Variants in CDK14 observed in about 807,000 individuals in gnomAD.
The protein encoded by CDK14 is cyclin dependent kinase 14.
A neutral mutation model predicts 60.7 loss-of-function variants in CDK14; 34 were observed. The observed-to-expected ratio is 0.56, with a 90% CI of 0.43 to 0.75. CDK14 has a LOEUF of 0.75. CDK14 is among the 30% of genes least tolerant of loss of function. The pLI, the probability that CDK14 is intolerant of heterozygous loss-of-function variation, is 0.00. For synonymous variants in CDK14, 197 were observed against 203.7 expected (o/e 0.97, Z 0.28); for missense variants, 482 against 564.1 (o/e 0.85, Z 1.47).
intron 11 of CDK14, among the ~76,000 whole-genome samples, chr7:91,058,668 G>A (rs1797667944): frequency 6.6e-6 from 1 of 152,132 alleles, no homozygotes; most frequent in African/African-American, 2.4e-5. Flanking sequence ...TAATCATGTG[G>A]TTTTTGTCAT....
chr7:90,735,479 GGCTGCTGC>G (rs1803057754), intron 3 of CDK14, among the ~76,000 whole-genome samples: 1 of 152,200 alleles, frequency 6.6e-6, no homozygotes, highest in Non-Finnish European at 1.5e-5. Flanking sequence ...CCTGACTTGG[GGCTGCTGC>G]CTTTCTTTCA....
At chr7:90,679,171 C>A (rs1801263880) in intron 2 of CDK14, among the ~76,000 whole-genome samples, 1 of 152,092 alleles carries the variant, frequency 6.6e-6, no homozygotes, top group South Asian at 2.1e-4. Flanking sequence ...ACGCTGGTAT[C>A]AAATTCCTGG....
chr7:90,639,720 A>T (rs1800269068), intron 2 of CDK14, among the ~76,000 whole-genome samples: 1 of 149,424 alleles, frequency 6.7e-6, no homozygotes, highest in African/African-American at 2.5e-5. Flanking sequence ...CTGCCCCCAG[A>T]GGTGGAGCCT....
chr7:90,953,650 G>A (rs1446911185), intron 8 of CDK14, among the ~76,000 whole-genome samples: 1 of 152,136 alleles, frequency 6.6e-6, no homozygotes, highest in Non-Finnish European at 1.5e-5. Context: ...AGCTGTCAAT[G>A]AAAATCTTCA....
intron 6 of CDK14, among the ~76,000 whole-genome samples, chr7:90,889,137 G>A (rs1792039207): frequency 6.6e-6 from 1 of 152,186 alleles, no homozygotes; most frequent in Non-Finnish European, 1.5e-5. Flanking sequence ...TAAGTTTTAT[G>A]TGGTATTTAT....
chr7:91,168,006 G>A (rs1057049559), intron 14 of CDK14, among the ~76,000 whole-genome samples: 1 of 152,146 alleles, frequency 6.6e-6, no homozygotes, highest in Non-Finnish European at 1.5e-5. Flanking sequence ...GCTTATGCCT[G>A]TAATCCCAGC....
chr7:90,899,246 T>C, intron 6 of CDK14, 45 bp from the exon 7 acceptor site: 1 of 1,423,446 alleles, frequency 7.0e-7, no homozygotes, highest in Non-Finnish European at 9.7e-7. Flanking sequence ...ATTTATTATG[T>C]TATAGCCAGA....
chr7:90,596,759 C>G (rs774023208), intron 1 of CDK14, 41 bp downstream of exon 1: 2 of 1,523,490 alleles, frequency 1.3e-6, no homozygotes, highest in Non-Finnish European at 1.8e-6. Context: ...GCGCCCGCTC[C>G]CCTCGGCCTG....
intron 7 of CDK14, among the ~76,000 whole-genome samples, chr7:90,913,709 TGTGTTGACA>T (rs1792983086): frequency 1.3e-5 from 2 of 152,136 alleles, no homozygotes; most frequent in Non-Finnish European, 2.9e-5. Context: ...TCTGTCCAGG[TGTGTTGACA>T]GACTTCAGTC....
chr7:90,769,913 C>A (rs1367146295), intron 4 of CDK14, among the ~76,000 whole-genome samples: 1 of 152,216 alleles, frequency 6.6e-6, no homozygotes, highest in Non-Finnish European at 1.5e-5. Context: ...TTGAAGCCAA[C>A]TTGTGTGAAA....
chr7:90,977,726 C>G (rs1795119699), intron 9 of CDK14, among the ~76,000 whole-genome samples: 1 of 152,088 alleles, frequency 6.6e-6, no homozygotes, highest in Admixed American at 6.6e-5. Context: ...ATGCTGTACT[C>G]TTTGGAAACA....
intron 14 of CDK14, among the ~76,000 whole-genome samples, chr7:91,178,661 A>G (rs1470537617): frequency 6.6e-6 from 1 of 152,154 alleles, no homozygotes; most frequent in African/African-American, 2.4e-5. Flanking sequence ...ATGAACAGAC[A>G]CTTCTCAAAA....
intron 10 of CDK14, among the ~76,000 whole-genome samples, chr7:91,007,805 A>G (rs1796022784): frequency 6.6e-6 from 1 of 152,102 alleles, no homozygotes. Flanking sequence ...AAAAACAAAA[A>G]TCCTGACAAG....
chr7:90,959,860 T>C (rs1445176697), intron 9 of CDK14, among the ~76,000 whole-genome samples: 1 of 152,120 alleles, frequency 6.6e-6, no homozygotes, highest in Non-Finnish European at 1.5e-5. Flanking sequence ...TGAAAATAGA[T>C]AGTTTTTGAT....
chr7:91,192,776 T>C (rs73708284), intron 14 of CDK14, among the ~76,000 whole-genome samples: 2,355 of 152,272 alleles, frequency 0.015, 58 homozygotes, highest in African/African-American at 0.054. Flanking sequence ...ACTGATGACA[T>C]TAATAGAGAA....
At chr7:90,774,188 G>A (rs1351599824) in intron 4 of CDK14, among the ~76,000 whole-genome samples, 1 of 152,070 alleles carries the variant, frequency 6.6e-6, no homozygotes, top group African/African-American at 2.4e-5. Context: ...ACAGGTGTGA[G>A]CCACTACGCC....
intron 5 of CDK14, among the ~76,000 whole-genome samples, chr7:90,812,395 C>T (rs1583998428): frequency 6.6e-6 from 1 of 152,104 alleles, no homozygotes; most frequent in African/African-American, 2.4e-5. Flanking sequence ...CATGTTCTCA[C>T]TCATAGGTGG....
intron 5 of CDK14, among the ~76,000 whole-genome samples, chr7:90,852,653 G>A (rs1336823796): frequency 1.3e-5 from 2 of 152,152 alleles, no homozygotes; most frequent in African/African-American, 2.4e-5. Context: ...GGCCAAGCAC[G>A]GTTATTAGCA....
At chr7:90,855,649 TAAC>T (rs1303997099) in intron 5 of CDK14, among the ~76,000 whole-genome samples, 1 of 152,210 alleles carries the variant, frequency 6.6e-6, no homozygotes, top group East Asian at 1.9e-4. Context: ...TTGGTAAAAA[TAAC>T]AATACATTTG....
Sources: allele counts gnomAD v4.1 joint callset (sites outside exome capture counted in the v4.1 genomes callset), GRCh38; gene constraint gnomAD v4.1.1; transcripts MANE v1.5; gene names NCBI Gene and HGNC (gene_info 2026-07-23, HGNC 2026-07-21).